The following SLC25A12 variants were observed in gnomAD, a reference collection of about 807,000 sequenced individuals.
SLC25A12 encodes electrogenic aspartate/glutamate antiporter SLC25A12, mitochondrial.
SLC25A12 carries 32 observed loss-of-function variants against 83.3 expected under a neutral mutation model. The observed-to-expected ratio is 0.38, with a 90% CI of 0.29 to 0.52. The LOEUF (loss-of-function observed/expected upper bound fraction) is 0.52, where lower values mean the gene tolerates loss of function less well. Among genes scored for constraint, SLC25A12 ranks in the 20% least tolerant of loss-of-function variants. The probability of loss-of-function intolerance (pLI) is 0.84; values close to 1 mark genes in which losing one functional copy is unlikely to be tolerated. For synonymous variants in SLC25A12, 267 were observed against 291.1 expected, an observed-to-expected ratio of 0.92 and a Z score of 0.84; for missense variants, 611 against 835.6, an observed-to-expected ratio of 0.73 and a Z score of 3.31.
intron 9 of SLC25A12, among the ~76,000 whole-genome samples, chr2:171,819,469 ATAT>A (rs1684139156): frequency 7.4e-6 from 1 of 134,790 alleles, no homozygotes; most frequent in Non-Finnish European, 1.5e-5. Flanking sequence ...TATATTATAT[ATAT>A]TAATATATAT....
At chr2:171,871,918 CA>C (rs34494239) in intron 2 of SLC25A12, 42 of 91,708 alleles carry the variant, frequency 4.6e-4, no homozygotes, top group African/African-American at 1.3e-3. Context: ...GACCCTGTCT[CA>C]AAAAAAAAAA....
intron 13 of SLC25A12, among the ~76,000 whole-genome samples, chr2:171,807,599 G>A (rs1215923229): frequency 6.6e-6 from 1 of 152,146 alleles, no homozygotes; most frequent in Non-Finnish European, 1.5e-5. Flanking sequence ...AAATGAGTTA[G>A]AAAGCTTCTT....
Position 171,821,017 on chromosome 2 carries a change from C to CTT in SLC25A12, c.930+5779_930+5780dup, listed in dbSNP as rs869070730. ...TGCAAATAACGCAGCTATAAACATT[C>CTT]TTTTTTTTTTTTTTTTTTTTTTTTT... On this transcript the variant is annotated intron_variant, in intron 9 of 17. Transcript: ENST00000422440. Among the ~76,000 whole-genome samples, 104 of 48,640 alleles carry CTT rather than the reference C, an allele frequency of 2.1e-3. 13 individuals carry two copies. In the South Asian group the frequency reaches 0.022, roughly 10 times the overall value. 31.9% of individuals were successfully genotyped at this position (48,640 alleles called of 152,430 possible).
At chr2:171,848,640 A>T (rs1185775124) in intron 4 of SLC25A12, among the ~76,000 whole-genome samples, 1 of 152,152 alleles carries the variant, frequency 6.6e-6, no homozygotes, top group Non-Finnish European at 1.5e-5. Flanking sequence ...GAAAACAAAC[A>T]ACAACAACAA....
chr2:171,880,237 T>C (rs1685662171), intron 2 of SLC25A12, among the ~76,000 whole-genome samples: 1 of 152,124 alleles, frequency 6.6e-6, no homozygotes, highest in Non-Finnish European at 1.5e-5. Context: ...TTAAAGTTTA[T>C]TAATTCAGTT....
In SLC25A12 at chr2:171,834,071, A is replaced by T; in HGVS notation, c.752-15T>A. 6.8e-7 allele frequency: 1 copy of T among 1,460,232 alleles called. No homozygotes were observed. The allele number at this position is 1,460,232 out of a possible 1,614,324, so 90.5% of individuals were successfully genotyped here. ...GGCAAATTCCTCTGGAACAGAGAAA[A>T]AAAAAGTTAAAATCTTGAATGATTC... On this transcript the variant is annotated splice_polypyrimidine_tract_variant and intron_variant, in intron 7 of 17. Transcript: ENST00000422440.
intron 8 of SLC25A12, among the ~76,000 whole-genome samples, chr2:171,827,302 C>A (rs1206067359): frequency 2.0e-5 from 3 of 147,498 alleles, no homozygotes; most frequent in Non-Finnish European, 4.5e-5. Flanking sequence ...ATGAGGGAGA[C>A]TTTTTTTTTT....
At chr2:171,882,355 T>C (rs1685713800) in intron 2 of SLC25A12, among the ~76,000 whole-genome samples, 1 of 152,212 alleles carries the variant, frequency 6.6e-6, no homozygotes. Flanking sequence ...GAACACTGCC[T>C]CCTTCTAGTA....
At chr2:171,789,061 A>G (rs1690542416) in intron 15 of SLC25A12, 1 of 152,240 alleles carries the variant, frequency 6.6e-6, no homozygotes, top group African/African-American at 2.4e-5. Context: ...GCTGTTTTTC[A>G]TTGTTGATTG....
At chr2:171,793,852 A>G (rs1219302715) in intron 13 of SLC25A12, 85 bp from the exon 14 acceptor site, 7 of 1,469,148 alleles carry the variant, frequency 4.8e-6, no homozygotes, top group Non-Finnish European at 5.7e-6. Context: ...CAAAGCCTCC[A>G]CATCTTGCTA....
intron 8 of SLC25A12, among the ~76,000 whole-genome samples, chr2:171,832,158 G>A (rs535709320): frequency 6.6e-6 from 1 of 152,266 alleles, no homozygotes; most frequent in Non-Finnish European, 1.5e-5. Flanking sequence ...GTACTGCCAA[G>A]ATAGGCCCAG....
At chr2:171,805,854 T>C (rs919195931) in intron 13 of SLC25A12, among the ~76,000 whole-genome samples, 4 of 152,354 alleles carry the variant, frequency 2.6e-5, no homozygotes, top group African/African-American at 9.6e-5. Flanking sequence ...CTCACACCTG[T>C]AATCCCAAAA....
At position 171,787,947 on chromosome 2, in the gene SLC25A12, C is replaced by G; in HGVS notation, c.1586G>C (p.Gly529Ala). The G allele has an allele frequency of 1.9e-6, 3 of 1,614,188 alleles. No homozygotes were observed. The highest frequency in any genetic ancestry group is 2.5e-6 in the Non-Finnish European group (3 of 1,180,030). Residue 529 changes from glycine to alanine, a missense_variant and splice_region_variant, in exon 16 of 18, where the codon GGT becomes GCT. By Grantham distance (60) the Gly-to-Ala change is moderately conservative. Coordinates refer to ENST00000422440, the MANE Select transcript of SLC25A12 (RefSeq NM_003705.5). Reference sequence around the variant, plus strand: ...GGTCACCAGAGATGCAGCTGGGACACCTTTCAGGAGAAAACCACATTTAAT... The same window carrying G: ...GGTCACCAGAGATGCAGCTGGGACAGCTTTCAGGAGAAAACCACATTTAAT... ...LNLLAAGAMA[G>A]VPAASLVTPA... is the part of the protein sequence containing the mutation.
At chr2:171,813,560 T>C (rs1340115760) in intron 10 of SLC25A12, 63 bp from the exon 11 acceptor site, 2 of 1,504,176 alleles carry the variant, frequency 1.3e-6, no homozygotes, top group African/African-American at 1.4e-5. Context: ...TCCATAAGGA[T>C]GACAAATCTT....
rs962763016 is a variant in SLC25A12, at chr2:171,788,161, T to TA, written c.1586-215dup. The TA allele has an allele frequency of 2.1e-3, 1,046 of 504,886 alleles. 2 individuals are homozygous for TA. The highest frequency in any genetic ancestry group is 2.9e-3 in the African/African-American group (150 of 50,870). 31.3% of individuals were successfully genotyped at this position (504,886 alleles called of 1,614,324 possible). ...AAATTATTATTATTTTTTCCTGAAT[T>TA]AAAAAAAAAATCACTCTACATTGCA... On this transcript the variant is annotated intron_variant, in intron 15 of 17. Coordinates refer to ENST00000422440, the MANE Select transcript of SLC25A12 (RefSeq NM_003705.5).
chr2:171,856,611 G>A (rs1234555776), intron 3 of SLC25A12: 4 of 152,266 alleles, frequency 2.6e-5, no homozygotes, highest in Admixed American at 1.3e-4. Context: ...TTTTTTTTAA[G>A]GGGCCATGCT....
chr2:171,883,910 G>C (rs1685752289), intron 2 of SLC25A12, among the ~76,000 whole-genome samples: 3 of 152,078 alleles, frequency 2.0e-5, no homozygotes. Context: ...ACCCAGGCTG[G>C]AGTGCAGTAG....
chr2:171,787,405 C>T (rs1690509173), intron 17 of SLC25A12, among the ~76,000 whole-genome samples, 166 bp downstream of exon 17: 1 of 152,242 alleles, frequency 6.6e-6, no homozygotes, highest in Admixed American at 6.5e-5. Context: ...TCAAGTTTTA[C>T]TTGCTTAACA....
At chr2:171,893,388 A>T in intron 1 of SLC25A12, 130 bp from the exon 2 acceptor site, 1 of 834,924 alleles carries the variant, frequency 1.2e-6, no homozygotes, top group Non-Finnish European at 2.0e-6. Context: ...ACAAACTAAA[A>T]GCCCTAATTG....
Sources: gnomAD v4.1 joint callset for allele counts (sites outside exome capture counted in the v4.1 genomes callset) on GRCh38, gnomAD v4.1.1 for gene constraint, MANE v1.5 for transcripts, NCBI Gene and HGNC (gene_info 2026-07-23, HGNC 2026-07-21) for gene names.